Variants in CASD1 observed in about 807,000 individuals in gnomAD.
CASD1 encodes N-acetylneuraminate (7)9-O-acetyltransferase.
Under a neutral mutation model 100.0 loss-of-function variants are expected in CASD1, and 41 were observed. The ratio of observed to expected loss-of-function variants is 0.41; its 90% CI spans 0.32 to 0.53. The LOEUF is 0.53. Ranked by LOEUF, CASD1 falls within the 20% of genes least tolerant of loss-of-function variation. CASD1 has a pLI of 0.25. For synonymous variants in CASD1, 321 were observed against 315.6 expected (o/e 1.02, Z -0.18); for missense variants, 774 against 948.7 (o/e 0.82, Z 2.42).
intron 5 of CASD1, among the ~76,000 whole-genome samples, chr7:94,530,295 C>T (rs1305535262): frequency 6.6e-6 from 1 of 152,050 alleles, no homozygotes; most frequent in African/African-American, 2.4e-5. Context: ...TGATGTATAG[C>T]CTATTCAGGG....
At chr7:94,560,430 T>C (rs1378801445), downstream of CASD1, among the ~76,000 whole-genome samples, 1 of 152,128 alleles carries the variant, frequency 6.6e-6, no homozygotes, top group African/African-American at 2.4e-5. Flanking sequence ...ACTTCCAAAG[T>C]ACGTAATGCA....
At position 94,552,404 on chromosome 7, in the gene CASD1, C is replaced by T. The variant is rs751667095; in HGVS notation, c.2011C>T (p.His671Tyr). 3.1e-6 allele frequency: 5 copies of T among 1,610,136 alleles called. No individual in the cohort carries two copies. The highest frequency in any genetic ancestry group is 3.4e-6 in the Non-Finnish European group (4 of 1,178,570). ...CKNKAECNEL[H>Y]PSVSVVQILA... ...AAACAAAGCAGAGTGCAATGAACTC[C>T]ATCCGTCTGTTTCTGTGGTACAGGT... The change falls in exon 16 of 18, where the codon CAT becomes TAT. Residue 671 changes from histidine (H) to tyrosine (Y), a missense_variant. By Grantham distance (83) the His-to-Tyr change is moderately conservative (BLOSUM62 2). This residue lies in a region of CASD1 where 175 missense variants were observed against 206.9 expected (regional missense o/e 0.85). Transcript: ENST00000297273.
the CASD1 span, chr7:94,598,871 G>A: frequency 8.1e-6 from 13 of 1,612,094 alleles, no homozygotes; most frequent in Admixed American, 6.7e-5. Flanking sequence ...CACAGGAAGC[G>A]TTGACAGGGG....
chr7:94,537,930 T>A (rs1795197875), intron 9 of CASD1, 36 bp downstream of exon 9: 1 of 1,149,540 alleles, frequency 8.7e-7, no homozygotes, highest in South Asian at 1.4e-5. Context: ...ATGTTACCCT[T>A]CTTGTCTCAT....
At chr7:94,574,755 G>T in the CASD1 span, among the ~76,000 whole-genome samples, 1 of 151,898 alleles carries the variant, frequency 6.6e-6, no homozygotes, top group Admixed American at 6.6e-5. Flanking sequence ...CGGATCATGA[G>T]ATCAGGAGAT....
the CASD1 span, chr7:94,617,721 G>A: frequency 6.6e-6 from 1 of 152,158 alleles, no homozygotes; most frequent in African/African-American, 2.4e-5. Flanking sequence ...CTATAAAACA[G>A]AAGATAAAAT....
At chr7:94,520,494 G>A (rs1304428970) in intron 3 of CASD1, among the ~76,000 whole-genome samples, 2 of 152,208 alleles carry the variant, frequency 1.3e-5, no homozygotes, top group Non-Finnish European at 2.9e-5. Flanking sequence ...TTTGGGCAGA[G>A]CTAGATATCG....
At chr7:94,582,771 A>G in the CASD1 span, among the ~76,000 whole-genome samples, 1 of 152,184 alleles carries the variant, frequency 6.6e-6, no homozygotes, top group Admixed American at 6.5e-5. Context: ...TATCACTATT[A>G]CAGGTTGACA....
At chr7:94,590,860 C>G in the CASD1 span, 1 of 152,074 alleles carries the variant, frequency 6.6e-6, no homozygotes, top group African/African-American at 2.4e-5. Context: ...ATATTATGTT[C>G]CAAATACAAC....
At chr7:94,576,720 G>A in the CASD1 span, among the ~76,000 whole-genome samples, 2 of 152,288 alleles carry the variant, frequency 1.3e-5, no homozygotes, top group South Asian at 4.1e-4. Context: ...AACAATTAAG[G>A]ACATCCCTAT....
intron 14 of CASD1, among the ~76,000 whole-genome samples, chr7:94,550,111 T>C (rs970973186): frequency 2.0e-5 from 3 of 152,140 alleles, no homozygotes; most frequent in African/African-American, 7.2e-5. Context: ...GTGGTAGAAG[T>C]GTGCAAAGAA....
downstream of CASD1, among the ~76,000 whole-genome samples, chr7:94,558,527 G>A (rs1271761810): frequency 3.3e-5 from 5 of 152,118 alleles, no homozygotes; most frequent in African/African-American, 1.2e-4. Context: ...GACAATTTTG[G>A]TTGGCAGTTC....
chr7:94,563,357 T>C, the CASD1 span, among the ~76,000 whole-genome samples: 1 of 152,288 alleles, frequency 6.6e-6, no homozygotes, highest in South Asian at 2.1e-4. Flanking sequence ...CTCTTATACA[T>C]AGCTAAGGAA....
At chr7:94,538,329 A>G (rs1795218120) in intron 9 of CASD1, among the ~76,000 whole-genome samples, 1 of 152,168 alleles carries the variant, frequency 6.6e-6, no homozygotes, top group Admixed American at 6.5e-5. Flanking sequence ...ATACATACCA[A>G]TCAGAACTTA....
chr7:94,600,711 G>A, the CASD1 span: 6 of 1,613,664 alleles, frequency 3.7e-6, no homozygotes, highest in Admixed American at 8.3e-5. Flanking sequence ...CCACTGCCGA[G>A]GGCACAGCCA....
intron 10 of CASD1, among the ~76,000 whole-genome samples, chr7:94,541,455 G>A (rs1795390445): frequency 6.9e-6 from 1 of 145,622 alleles, no homozygotes; most frequent in South Asian, 2.2e-4. Context: ...TAATATATAT[G>A]AAATATAGAT....
the CASD1 span, chr7:94,597,793 G>C: frequency 6.6e-6 from 1 of 152,202 alleles, no homozygotes; most frequent in Non-Finnish European, 1.5e-5. Context: ...AGATCACCTA[G>C]GCCAGGATTT....
At chr7:94,618,668 C>T in the CASD1 span, 2 of 1,065,118 alleles carry the variant, frequency 1.9e-6, no homozygotes, top group Non-Finnish European at 2.8e-6. Flanking sequence ...ACGAAAAATG[C>T]AATAGGCCAT....
At chr7:94,576,484 C>A in the CASD1 span, among the ~76,000 whole-genome samples, 1 of 152,184 alleles carries the variant, frequency 6.6e-6, no homozygotes, top group Non-Finnish European at 1.5e-5. Context: ...AGCCCTTGGG[C>A]TACACTGTAC....
Sources: allele counts gnomAD v4.1 joint callset (sites outside exome capture counted in the v4.1 genomes callset), GRCh38; gene constraint gnomAD v4.1.1; regional missense constraint gnomAD v4.1.1; transcripts MANE v1.5; gene names NCBI Gene and HGNC (gene_info 2026-07-23, HGNC 2026-07-21).